Variants in SNX29 observed in about 807,000 individuals in gnomAD.
SNX29 encodes the protein sorting nexin 29.
Under a neutral mutation model 102.1 loss-of-function variants are expected in SNX29, and 78 were observed. The ratio of observed to expected loss-of-function variants is 0.76; its 90% confidence interval spans 0.64 to 0.92. SNX29 has a LOEUF of 0.92. Among genes scored for constraint, SNX29 ranks in the 40% least tolerant of loss-of-function variants. SNX29 has a pLI of 0.00. For missense variants in SNX29, 1,280 were observed against 1,061.7 expected (o/e 1.21, Z -2.86); for synonymous variants, 580 against 414.5 (o/e 1.40, Z -4.85).
chr16:12,467,366 C>T (rs1016481632), intron 18 of SNX29, among the ~76,000 whole-genome samples: 1 of 152,242 alleles, frequency 6.6e-6, no homozygotes, highest in African/African-American at 2.4e-5. Context: ...GATCCATGCT[C>T]TCCTTTTCCT....
intron 13 of SNX29, among the ~76,000 whole-genome samples, chr16:12,185,308 C>T (rs2076484007): frequency 6.6e-6 from 1 of 152,168 alleles, no homozygotes; most frequent in African/African-American, 2.4e-5. Context: ...GGCATCAAGT[C>T]CTTAGTGCCA....
intron 11 of SNX29, among the ~76,000 whole-genome samples, chr16:12,126,359 AT>A (rs1222948508): frequency 3.9e-5 from 6 of 152,192 alleles, no homozygotes; most frequent in African/African-American, 1.4e-4. Context: ...ATCTCATTTT[AT>A]AGATAAGGGA....
chr16:12,364,217 T>TGTTATGTTATGTTATG (rs1567481923), intron 16 of SNX29, among the ~76,000 whole-genome samples: 1 of 149,070 alleles, frequency 6.7e-6, no homozygotes. Context: ...TGTTATGTTA[T>TGTTATGTTATGTTATG]TTTTGTAGAG....
chr16:12,509,902 G>A (rs758597403), intron 19 of SNX29, among the ~76,000 whole-genome samples: 4 of 152,254 alleles, frequency 2.6e-5, no homozygotes, highest in Non-Finnish European at 5.9e-5. Flanking sequence ...CCTGCCACAG[G>A]CAGCTGCTCC....
At chr16:12,363,175 C>A (rs1164919546) in intron 16 of SNX29, among the ~76,000 whole-genome samples, 1 of 152,214 alleles carries the variant, frequency 6.6e-6, no homozygotes, top group African/African-American at 2.4e-5. Flanking sequence ...TGGACCGGGT[C>A]CCCAGGGGAT....
chr16:12,470,122 G>A (rs1041846076), intron 18 of SNX29, among the ~76,000 whole-genome samples: 8 of 152,222 alleles, frequency 5.3e-5, no homozygotes, highest in Admixed American at 1.3e-4. Context: ...TTTTCTGTAC[G>A]TCCAAGAAAG....
At chr16:12,474,742 G>T (rs12598509) in intron 18 of SNX29, among the ~76,000 whole-genome samples, 1 of 151,960 alleles carries the variant, frequency 6.6e-6, no homozygotes, top group Non-Finnish European at 1.5e-5. Flanking sequence ...TTCTTAACTC[G>T]GGTAATTTTT....
At chr16:12,022,309 T>C (rs1241435136) in intron 3 of SNX29, among the ~76,000 whole-genome samples, 1 of 151,890 alleles carries the variant, frequency 6.6e-6, no homozygotes, top group Non-Finnish European at 1.5e-5. Context: ...CAAGCGATTC[T>C]CCAGCCTCAG....
At chr16:11,988,130 C>G (rs1437168442) in intron 1 of SNX29, among the ~76,000 whole-genome samples, 1 of 152,002 alleles carries the variant, frequency 6.6e-6, no homozygotes, top group Non-Finnish European at 1.5e-5. Flanking sequence ...CACACCTCTA[C>G]TAAAAATACA....
At chr16:12,295,034 A>C (rs1176949600) in intron 15 of SNX29, among the ~76,000 whole-genome samples, 1 of 152,226 alleles carries the variant, frequency 6.6e-6, no homozygotes, top group East Asian at 1.9e-4. Context: ...TTCTCCCTAT[A>C]AAACCAACAC....
rs546130449 is a variant in SNX29, at chr16:12,376,936, T to C, written c.1899+20657T>C. The stretch of plus-strand genomic sequence containing the variant: ...GGGTTGGTTTGGGGAACTTGGTTTC[T>C]GTGAATTTTACTCTGTCTTGGCTGT... On this transcript the variant is annotated intron_variant, in intron 16 of 20. Transcript: ENST00000566228. Among the ~76,000 whole-genome samples the C allele has an allele frequency of 3.9e-5, 6 of 152,238 alleles. No homozygotes were observed. The South Asian group carries it at 1.2e-3, about 32-fold the overall frequency.
At chr16:12,445,738 A>G (rs886762251) in intron 18 of SNX29, among the ~76,000 whole-genome samples, 7 of 152,190 alleles carry the variant, frequency 4.6e-5, no homozygotes, top group African/African-American at 1.7e-4. Flanking sequence ...CACCAGTAAA[A>G]ATGGCTGACA....
Position 12,524,705 on chromosome 16 carries a change from G to A in SNX29, c.2182G>A (p.Ala728Thr), listed in dbSNP as rs762832873. 1.2e-6 allele frequency: 2 copies of A among 1,612,952 alleles called. No individual in the cohort carries two copies. Among genetic ancestry groups the A allele is most frequent in the South Asian group, 2.2e-5 (2 of 91,028 alleles). Residue 728 changes from alanine (A) to threonine (T), a missense_variant, in exon 20 of 21, where the codon GCC (alanine) becomes ACC (threonine). Physicochemically the swap from Ala to Thr is moderately conservative, Grantham distance 58. Coordinates refer to ENST00000566228, the MANE Select transcript of SNX29 (RefSeq NM_032167.5). ...AAGATGTTTTGTGTTTCCTCAGGAT[G>A]CCAAGTTTGTGGAGGAACGGAGAAA... ...PPKKAIGNKD[A>T]KFVEERRKQL... is the part of the protein sequence containing the mutation.
chr16:12,087,558 C>T, intron 11 of SNX29: 2 of 329,100 alleles, frequency 6.1e-6, no homozygotes, highest in Non-Finnish European at 1.2e-5. Context: ...GATCATGACA[C>T]TGTACCCCAG....
At position 11,992,600 on chromosome 16, in the gene SNX29, G is replaced by C. The variant is rs568058041; in HGVS notation, c.8-6697G>C. Among the ~76,000 whole-genome samples the C allele has an allele frequency of 2.3e-3, 357 of 152,006 alleles. 1 individual carries two copies. The highest frequency in any genetic ancestry group is 8.3e-3 in the African/African-American group (345 of 41,446). The stretch of plus-strand genomic sequence containing the variant: ...CCCAATTGTTCAGTGAGCTTGCCCT[G>C]GTCCCCACCAGGATGACAGTGTGGT... On this transcript the variant is annotated intron_variant, in intron 1 of 20. Coordinates refer to ENST00000566228, the MANE Select transcript of SNX29 (RefSeq NM_032167.5).
intron 13 of SNX29, among the ~76,000 whole-genome samples, chr16:12,182,924 ACT>A (rs2076421641): frequency 7.7e-6 from 1 of 129,758 alleles, no homozygotes; most frequent in Admixed American, 9.1e-5. Flanking sequence ...ACAGAGCGAG[ACT>A]CTGTCTCAAA....
At chr16:12,430,124 G>A (rs1352287048) in intron 18 of SNX29, among the ~76,000 whole-genome samples, 1 of 152,236 alleles carries the variant, frequency 6.6e-6, no homozygotes, top group African/African-American at 2.4e-5. Flanking sequence ...AGGGATCTAG[G>A]TTTCATGCTC....
chr16:12,128,794 T>C (rs12149562), intron 12 of SNX29, among the ~76,000 whole-genome samples: 4,521 of 151,766 alleles, frequency 0.03, 95 homozygotes, highest in Middle Eastern at 0.054. Flanking sequence ...AAGTGTCCTC[T>C]GGATTTAGTA....
intron 13 of SNX29, among the ~76,000 whole-genome samples, chr16:12,151,116 C>T (rs539410323): frequency 9.8e-5 from 15 of 152,326 alleles, no homozygotes; most frequent in Non-Finnish European, 1.8e-4. Flanking sequence ...GTAACAGCCC[C>T]TGTGTACCCA....
Sources: allele counts gnomAD v4.1 joint callset (sites outside exome capture counted in the v4.1 genomes callset), GRCh38; gene constraint gnomAD v4.1.1; transcripts MANE v1.5; gene names NCBI Gene and HGNC (gene_info 2026-07-23, HGNC 2026-07-21).